Variants in GALNT17 observed in about 807,000 individuals in gnomAD.
GALNT17 encodes polypeptide N-acetylgalactosaminyltransferase 17.
A neutral mutation model predicts 63.7 loss-of-function variants in GALNT17; 29 were observed. That is an observed-to-expected ratio of 0.46 (90% confidence interval 0.34 to 0.62). The LOEUF is 0.62. Ranked by LOEUF, GALNT17 falls within the 20% of genes least tolerant of loss-of-function variation. The pLI, the probability that GALNT17 is intolerant of heterozygous loss-of-function variation, is 0.01. For synonymous variants in GALNT17, 305 were observed against 318.3 expected (o/e 0.96, Z 0.45); for missense variants, 603 against 799.6 (o/e 0.75, Z 2.97).
intron 6 of GALNT17, among the ~76,000 whole-genome samples, chr7:71,647,569 C>T (rs902825217): frequency 4.6e-5 from 7 of 152,184 alleles, no homozygotes; most frequent in African/African-American, 1.7e-4. Flanking sequence ...AGGCAGAGGC[C>T]CCTCCAGGCC....
chr7:71,427,163 T>A (rs1010468323), intron 5 of GALNT17, among the ~76,000 whole-genome samples: 2 of 149,512 alleles, frequency 1.3e-5, no homozygotes, highest in Non-Finnish European at 3.0e-5. Flanking sequence ...CACTGCAACC[T>A]CCACCTCCCA....
intron 6 of GALNT17, among the ~76,000 whole-genome samples, chr7:71,639,848 G>T (rs935841314): frequency 1.3e-5 from 2 of 150,586 alleles, no homozygotes; most frequent in African/African-American, 2.5e-5. Context: ...TCTTTCAGAG[G>T]GGGGTGAGCT....
At chr7:71,656,626 G>T (rs1437012665) in intron 6 of GALNT17, among the ~76,000 whole-genome samples, 1 of 152,124 alleles carries the variant, frequency 6.6e-6, no homozygotes, top group South Asian at 2.1e-4. Context: ...GTCCAGGTGG[G>T]AGATGGTCGT....
chr7:71,314,185 G>A (rs971845202), intron 1 of GALNT17, among the ~76,000 whole-genome samples: 3 of 152,106 alleles, frequency 2.0e-5, no homozygotes, highest in Non-Finnish European at 2.9e-5. Context: ...TGCAGACAAT[G>A]GAGTGGAAAA....
intron 9 of GALNT17, among the ~76,000 whole-genome samples, chr7:71,701,848 TATATATACACATATATATATAC>T (rs1562742487): frequency 2.1e-4 from 6 of 27,918 alleles, no homozygotes; most frequent in Non-Finnish European, 7.3e-4. Flanking sequence ...TATGTGTATA[TATATATACACATATATATATAC>T]ATATATATAT....
At chr7:71,610,728 C>T (rs1790112959) in intron 6 of GALNT17, among the ~76,000 whole-genome samples, 1 of 151,902 alleles carries the variant, frequency 6.6e-6, no homozygotes. Context: ...GATGCGGTGG[C>T]TCATGCCTGC....
chr7:71,490,371 C>T (rs975790394), intron 5 of GALNT17, among the ~76,000 whole-genome samples: 2 of 152,160 alleles, frequency 1.3e-5, no homozygotes, highest in African/African-American at 4.8e-5. Context: ...GTGCATCTGC[C>T]ATACAGGGTC....
chr7:71,199,325 A>G lies in GALNT17; in HGVS notation c.238+66285A>G, dbSNP rs1373107611. On this transcript the variant is annotated intron_variant, in intron 1 of 10. Coordinates refer to ENST00000333538, the MANE Select transcript of GALNT17 (RefSeq NM_022479.3). ...CTTGTGTTAGAACACTACTGTTCCT[A>G]AAGTTGTAATTTTTGTAACCCATTG... Among the ~76,000 whole-genome samples, 13 of 152,240 alleles carry G rather than the reference A, an allele frequency of 8.5e-5. 1 individual carries two copies. The South Asian group carries it at 2.7e-3, about 32-fold the overall frequency.
intron 5 of GALNT17, among the ~76,000 whole-genome samples, chr7:71,554,331 T>A (rs897958790): frequency 6.6e-6 from 1 of 152,186 alleles, no homozygotes; most frequent in Non-Finnish European, 1.5e-5. Flanking sequence ...CCCTGCACAC[T>A]CTCTGTTGCC....
chr7:71,664,068 A>G (rs1475049265), intron 6 of GALNT17, among the ~76,000 whole-genome samples: 1 of 151,104 alleles, frequency 6.6e-6, no homozygotes, highest in Non-Finnish European at 1.5e-5. Flanking sequence ...GACCAAGAGA[A>G]GTTGGATAGT....
In GALNT17 at chr7:71,288,690, T is replaced by G. The variant is rs192844410; in HGVS notation, c.239-46860T>G. 2.5e-3 allele frequency among the ~76,000 whole-genome samples: 381 copies of G among 152,254 alleles called. 2 individuals are homozygous for G. Among genetic ancestry groups the G allele is most frequent in the African/African-American group, 8.7e-3 (363 of 41,540 alleles). ...TGGGTTCCTGGGCTGTGATTTTGCT[T>G]CCTCATTTTCTGCTTTGATGCGTGT... On this transcript the variant is annotated intron_variant, in intron 1 of 10. Coordinates refer to ENST00000333538, the MANE Select transcript of GALNT17 (RefSeq NM_022479.3).
At chr7:71,460,431 C>T (rs906338690) in intron 5 of GALNT17, among the ~76,000 whole-genome samples, 1 of 152,160 alleles carries the variant, frequency 6.6e-6, no homozygotes, top group African/African-American at 2.4e-5. Flanking sequence ...TTTTTGTGGT[C>T]ACTGCCCACC....
intron 1 of GALNT17, among the ~76,000 whole-genome samples, chr7:71,164,942 TA>T (rs1294310118): frequency 1.3e-5 from 2 of 152,184 alleles, no homozygotes; most frequent in African/African-American, 4.8e-5. Context: ...CTTTTTGAAA[TA>T]AACATGAATT....
chr7:71,207,160 C>CT (rs1789288025), intron 1 of GALNT17, among the ~76,000 whole-genome samples: 1 of 151,160 alleles, frequency 6.6e-6, no homozygotes, highest in African/African-American at 2.4e-5. Context: ...TCACTTTTTG[C>CT]TTTTTCTTCT....
At chr7:71,134,710 T>C (rs546811232) in intron 1 of GALNT17, among the ~76,000 whole-genome samples, 1 of 152,160 alleles carries the variant, frequency 6.6e-6, no homozygotes, top group Non-Finnish European at 1.5e-5. Flanking sequence ...CGGGGTGGCC[T>C]TATAATTTGG....
chr7:71,282,040 T>A (rs1476423684), intron 1 of GALNT17, among the ~76,000 whole-genome samples: 1 of 152,202 alleles, frequency 6.6e-6, no homozygotes, highest in Non-Finnish European at 1.5e-5. Context: ...TCCTTGCTGA[T>A]CAATGACAAC....
intron 5 of GALNT17, among the ~76,000 whole-genome samples, chr7:71,499,706 CT>C (rs1301745741): frequency 6.6e-6 from 1 of 152,190 alleles, no homozygotes; most frequent in Admixed American, 6.5e-5. Flanking sequence ...CAGATTTTAC[CT>C]GCTCCTCCGG....
intron 9 of GALNT17, chr7:71,685,652 G>A (rs1381343844): frequency 6.6e-6 from 1 of 152,102 alleles, no homozygotes; most frequent in Non-Finnish European, 1.5e-5. Flanking sequence ...AGGGGTGAGG[G>A]AGAAAGGGGA....
At chr7:71,493,460 C>T (rs1383475019) in intron 5 of GALNT17, among the ~76,000 whole-genome samples, 2 of 152,112 alleles carry the variant, frequency 1.3e-5, no homozygotes, top group Non-Finnish European at 2.9e-5. Context: ...TTAATGGACT[C>T]ACAGTTCTAC....
Sources: allele counts gnomAD v4.1 joint callset (sites outside exome capture counted in the v4.1 genomes callset), GRCh38; gene constraint gnomAD v4.1.1; transcripts MANE v1.5; gene names NCBI Gene and HGNC (gene_info 2026-07-23, HGNC 2026-07-21).